The following TKT variants were observed in gnomAD, a reference collection of about 807,000 sequenced individuals.
TKT encodes epididymis luminal protein 107.
In TKT, 47 loss-of-function variants were observed where a neutral mutation model predicts 63.9. The observed-to-expected ratio is 0.74, with a 90% CI of 0.58 to 0.94. The LOEUF is 0.94. Among genes scored for constraint, TKT ranks in the 40% least tolerant of loss-of-function variants. The pLI is 0.00. For missense variants in TKT, 721 were observed against 846.2 expected (o/e 0.85, Z 1.84); for synonymous variants, 338 against 334.1 (o/e 1.01, Z -0.13).
Position 53,228,158 on chromosome 3 carries a change from G to A in TKT, c.1480-9C>T. On this transcript the variant is annotated splice_polypyrimidine_tract_variant and intron_variant, in intron 11 of 13. Coordinates refer to ENST00000462138, the MANE Select transcript of TKT (RefSeq NM_001064.4). ...TTGCTCTTCAGGACCACCTGGGGGT[G>A]ACACAGAGGGTGAGTAAGGCTCAGG... 1 of 1,614,078 alleles carries A rather than the reference G, an allele frequency of 6.2e-7. No individual in the cohort carries two copies. The highest frequency in any genetic ancestry group is 8.5e-7 in the Non-Finnish European group (1 of 1,179,972).
rs782787291 is a variant in TKT at position 53,228,313 on chromosome 3, T to C, written c.1442A>G (p.Tyr481Cys). 2.5e-6 allele frequency: 4 copies of C among 1,614,078 alleles called. No homozygotes were observed. Among genetic ancestry groups the C allele is most frequent in the East Asian group, 2.2e-5 (1 of 44,892 alleles). ...RTSRPENAIIYNNNEDFQVGQ... is the reference protein window; with the variant it reads ...RTSRPENAIICNNNEDFQVGQ... ...GACCTGGAAGTCCTCATTGTTGTTA[T>C]AGATGATGGCATTTTCTGGGCGGCT... is the stretch of plus-strand genomic sequence containing the variant. Residue 481 changes from tyrosine to cysteine, a missense_variant, in exon 11 of 14, where the codon TAT becomes TGT. Coordinates refer to ENST00000462138, the MANE Select transcript of TKT (RefSeq NM_001064.4).
chr3:53,255,569 C>G (rs1303266011), intron 1 of TKT, among the ~76,000 whole-genome samples: 2 of 152,168 alleles, frequency 1.3e-5, no homozygotes, highest in South Asian at 4.1e-4. Flanking sequence ...GGCCGGCGAT[C>G]CGCGTGGGGA....
At chr3:53,237,405 CA>C (rs372971651) in intron 4 of TKT, among the ~76,000 whole-genome samples, 2 of 147,858 alleles carry the variant, frequency 1.4e-5, no homozygotes, top group African/African-American at 5.0e-5. Context: ...CAAAACAAAA[CA>C]AAAAAAACCA....
intron 5 of TKT, 59 bp downstream of exon 5, chr3:53,234,924 G>A (rs1356319350): frequency 1.6e-5 from 24 of 1,515,780 alleles, no homozygotes; most frequent in African/African-American, 2.7e-5. Context: ...CTGCAAAGCT[G>A]TGATCACAGA....
chr3:53,227,018 C>T, intron 12 of TKT, 140 bp from the exon 13 acceptor site: 2 of 1,010,394 alleles, frequency 2.0e-6, no homozygotes, highest in Non-Finnish European at 1.4e-6. Flanking sequence ...CCAGGGAGAA[C>T]CACTTGCCAC....
At chr3:53,226,600 G>A in intron 13 of TKT, 156 bp downstream of exon 13, 1 of 1,039,946 alleles carries the variant, frequency 9.6e-7, no homozygotes. Context: ...CAAGCCTGAG[G>A]CCTTTTAAGA....
chr3:53,249,972 A>G (rs1553681432), intron 1 of TKT, among the ~76,000 whole-genome samples: 1 of 152,244 alleles, frequency 6.6e-6, no homozygotes, highest in Non-Finnish European at 1.5e-5. Context: ...CAGAGCCACA[A>G]CAGGGGCCGG....
rs1024314391 is a variant in TKT at position 53,226,081 on chromosome 3, T to A, written c.1697-150A>T. On this transcript the variant is annotated intron_variant, in intron 13 of 13. Transcript: ENST00000462138. ...GCCATGAGCCCATCACATAACTCAT[T>A]GATTTTTTTTATTTTAAAGAGACAG... 1.7e-5 allele frequency: 11 copies of A among 663,728 alleles called. No individual in the cohort carries two copies. In the East Asian group the frequency reaches 3.3e-4, roughly 20 times the overall value. 41.1% of individuals were successfully genotyped at this position (663,728 alleles called of 1,614,324 possible). A position where few individuals can be genotyped will look rare whatever the true frequency, so the allele number is the denominator to read the frequency against.
intron 1 of TKT, chr3:53,243,453 C>T: frequency 2.6e-6 from 1 of 386,208 alleles, no homozygotes; most frequent in East Asian, 7.6e-5. Context: ...CCCGCCCCTC[C>T]AATCAGCGCT....
rs72957571 is a variant in TKT at position 53,252,540 on chromosome 3, A to G, written c.107+3296T>C. On this transcript the variant is annotated intron_variant, in intron 1 of 13. Coordinates refer to ENST00000462138, the MANE Select transcript of TKT (RefSeq NM_001064.4). ...TATCCTTTTTTTCTTTTGCAAATGG[A>G]TATTTTTTGAGTTCAGTGAGCTTCC... Among the ~76,000 whole-genome samples, 555 of 152,300 alleles carry G rather than the reference A, an allele frequency of 3.6e-3. 7 individuals are homozygous for G. The highest frequency in any genetic ancestry group is 0.013 in the African/African-American group (527 of 41,562).
At chr3:53,233,036 G>C in intron 6 of TKT, 120 bp downstream of exon 6, 1 of 836,376 alleles carries the variant, frequency 1.2e-6, no homozygotes. Context: ...CCCCTTCCCT[G>C]GAGCCTGGTG....
intron 1 of TKT, among the ~76,000 whole-genome samples, chr3:53,251,166 C>T (rs532118927): frequency 6.6e-6 from 1 of 152,248 alleles, no homozygotes; most frequent in Non-Finnish European, 1.5e-5. Flanking sequence ...CAGGCATTAA[C>T]CTCCCCAAAG....
At chr3:53,242,607 G>A (rs1705331960) in intron 1 of TKT, among the ~76,000 whole-genome samples, 1 of 152,192 alleles carries the variant, frequency 6.6e-6, no homozygotes, top group Non-Finnish European at 1.5e-5. Context: ...TGCGGCTGGG[G>A]GCAGCTGCTG....
intron 4 of TKT, among the ~76,000 whole-genome samples, chr3:53,238,148 C>T (rs1276543386): frequency 6.6e-6 from 1 of 152,080 alleles, no homozygotes; most frequent in Non-Finnish European, 1.5e-5. Context: ...CCCCAAGCCA[C>T]CCTGGCTTCT....
chr3:53,243,534 A>G (rs782560547), intron 1 of TKT: 2 of 456,334 alleles, frequency 4.4e-6, no homozygotes, highest in Middle Eastern at 3.3e-4. Flanking sequence ...AAAACTGTCC[A>G]TGCTGGTTTA....
chr3:53,240,472 T>C (rs1049315191), intron 3 of TKT, 124 bp from the exon 4 acceptor site: 25 of 764,736 alleles, frequency 3.3e-5, no homozygotes, highest in African/African-American at 2.6e-4. Context: ...GGCCCCAGGA[T>C]GGCCTCTACC....
intron 5 of TKT, 47 bp from the exon 6 acceptor site, chr3:53,233,321 A>C (rs1553677685): frequency 6.7e-7 from 1 of 1,490,290 alleles, no homozygotes; most frequent in Non-Finnish European, 9.1e-7. Flanking sequence ...AGGGGCCACA[A>C]CACCGAGGAG....
chr3:53,238,886 G>A lies in TKT; in HGVS notation c.437+1365C>T, dbSNP rs543707305. Among the ~76,000 whole-genome samples the A allele has an allele frequency of 3.3e-5, 5 of 152,320 alleles. No individual in the cohort carries two copies. In the South Asian group the frequency reaches 8.3e-4, roughly 25 times the overall value. On this transcript the variant is annotated intron_variant, in intron 4 of 13. Transcript: ENST00000462138. Reference sequence around the variant, plus strand: ...TACAGCACATGAGCACTGAGCACAGGGCCTAGCCCCCAAAGGGCAAAGGAA... The same window carrying A: ...TACAGCACATGAGCACTGAGCACAGAGCCTAGCCCCCAAAGGGCAAAGGAA...
Position 53,242,251 on chromosome 3 carries a change from C to T in TKT, c.108-9G>A. 6.2e-7 allele frequency: 1 copy of T among 1,613,308 alleles called. No homozygotes were observed. Among genetic ancestry groups the T allele is most frequent in the East Asian group, 2.2e-5 (1 of 44,876 alleles). On this transcript the variant is annotated splice_polypyrimidine_tract_variant and intron_variant, in intron 1 of 13. Coordinates refer to ENST00000462138, the MANE Select transcript of TKT (RefSeq NM_001064.4). Reference sequence around the variant, plus strand: ...AGCATGACGTGGGGTGGCTGTGGCCCAGGAGAGAAGACAGACACAGGCATC... The same window carrying T: ...AGCATGACGTGGGGTGGCTGTGGCCTAGGAGAGAAGACAGACACAGGCATC...
Sources: allele counts gnomAD v4.1 joint callset (sites outside exome capture counted in the v4.1 genomes callset), GRCh38; gene constraint gnomAD v4.1.1; transcripts MANE v1.5; gene names NCBI Gene and HGNC (gene_info 2026-07-23, HGNC 2026-07-21).